The following FNDC3B variants were observed in gnomAD, a reference collection of about 807,000 sequenced individuals.
The protein encoded by FNDC3B is fibronectin type III domain-containing protein 3B.
A neutral mutation model predicts 151.5 loss-of-function variants in FNDC3B; 12 were observed. The ratio of observed to expected loss-of-function variants is 0.08; its 90% CI spans 0.05 to 0.13. FNDC3B has a LOEUF of 0.13. FNDC3B is among the 10% of genes least tolerant of loss of function. FNDC3B has a pLI of 1.00. For synonymous variants in FNDC3B, 528 were observed against 549.0 expected, an observed-to-expected ratio of 0.96 and a Z score of 0.54; for missense variants, 1,214 against 1,505.3, an observed-to-expected ratio of 0.81 and a Z score of 3.20.
At chr3:172,323,468 G>C (rs901894907) in intron 11 of FNDC3B, among the ~76,000 whole-genome samples, 2 of 152,178 alleles carry the variant, frequency 1.3e-5, no homozygotes, top group Admixed American at 6.5e-5. Context: ...GCTATGGTCT[G>C]TTTGTACCAC....
At chr3:172,382,001 G>A (rs1735466930) in intron 25 of FNDC3B, among the ~76,000 whole-genome samples, 1 of 152,142 alleles carries the variant, frequency 6.6e-6, no homozygotes, top group African/African-American at 2.4e-5. Flanking sequence ...TGGGATTGCT[G>A]GGTCAAATGG....
intron 19 of FNDC3B, among the ~76,000 whole-genome samples, chr3:172,345,432 T>C (rs1341780841): frequency 6.6e-6 from 1 of 152,178 alleles, no homozygotes; most frequent in Non-Finnish European, 1.5e-5. Flanking sequence ...TGATTTATCC[T>C]ATAAAGAAAC....
chr3:172,135,523 G>C (rs889140003), intron 3 of FNDC3B, among the ~76,000 whole-genome samples: 1 of 152,028 alleles, frequency 6.6e-6, no homozygotes, highest in Non-Finnish European at 1.5e-5. Flanking sequence ...CATTATCTTT[G>C]GCTCCCTCCA....
chr3:172,180,169 G>C (rs1415314802), intron 3 of FNDC3B, among the ~76,000 whole-genome samples: 1 of 149,388 alleles, frequency 6.7e-6, no homozygotes, highest in Non-Finnish European at 1.5e-5. Context: ...GGTGTGCACA[G>C]TGTTTTCCCT....
At chr3:172,251,236 G>A in intron 5 of FNDC3B, 24 bp from the exon 6 acceptor site, 1 of 1,568,328 alleles carries the variant, frequency 6.4e-7, no homozygotes. Context: ...CTGAGTTTGG[G>A]TTTATCATAA....
At chr3:172,267,882 A>G (rs1729006432) in intron 6 of FNDC3B, among the ~76,000 whole-genome samples, 1 of 152,204 alleles carries the variant, frequency 6.6e-6, no homozygotes, top group South Asian at 2.1e-4. Context: ...TAATAGATTG[A>G]TTAGAGGTGT....
intron 6 of FNDC3B, among the ~76,000 whole-genome samples, chr3:172,283,422 C>T (rs1158670503): frequency 1.3e-5 from 2 of 152,156 alleles, no homozygotes; most frequent in Non-Finnish European, 2.9e-5. Context: ...AGTGCATAGT[C>T]CTGAGGATGT....
chr3:172,265,465 T>TA (rs1263497288), intron 6 of FNDC3B, among the ~76,000 whole-genome samples: 1 of 152,176 alleles, frequency 6.6e-6, no homozygotes, highest in Admixed American at 6.6e-5. Context: ...AGGCAGGAGA[T>TA]ACTGGATTTT....
rs114505005 is a variant in FNDC3B, at chr3:172,326,578, G to A, written c.1255-2374G>A. Among the ~76,000 whole-genome samples, 572 of 152,240 alleles carry A rather than the reference G, an allele frequency of 3.8e-3. 2 individuals carry two copies. Among genetic ancestry groups the A allele is most frequent in the African/African-American group, 0.013 (550 of 41,538 alleles). On this transcript the variant is annotated intron_variant, in intron 11 of 25. Transcript: ENST00000415807. ...GTCGCCCAGGCTGGAGTGCACTGGC[G>A]CCATTTTTACTTCTTTCACAAGTAG...
intron 4 of FNDC3B, among the ~76,000 whole-genome samples, chr3:172,243,094 T>C (rs909055558): frequency 7.2e-5 from 11 of 152,206 alleles, no homozygotes; most frequent in African/African-American, 2.4e-4. Context: ...CTCATCTCTA[T>C]CTGAGACCAT....
intron 23 of FNDC3B, among the ~76,000 whole-genome samples, chr3:172,376,219 A>G (rs751467816): frequency 1.4e-4 from 22 of 152,356 alleles, no homozygotes; most frequent in Non-Finnish European, 3.1e-4. Context: ...TTTTAAATTG[A>G]TATGTATGTT....
chr3:172,048,224 T>C (rs966342706), intron 1 of FNDC3B, among the ~76,000 whole-genome samples: 5 of 152,222 alleles, frequency 3.3e-5, no homozygotes, highest in Non-Finnish European at 5.9e-5. Flanking sequence ...ACATATAGGA[T>C]ACTTAATGTA....
intron 2 of FNDC3B, among the ~76,000 whole-genome samples, chr3:172,126,722 G>C (rs985037256): frequency 9.2e-5 from 14 of 152,130 alleles, no homozygotes; most frequent in African/African-American, 3.4e-4. Context: ...GCTTTGAGAG[G>C]GCAGCTTGTG....
chr3:172,286,024 A>T, intron 7 of FNDC3B, 40 bp downstream of exon 7: 1 of 1,493,614 alleles, frequency 6.7e-7, no homozygotes, highest in Non-Finnish European at 9.2e-7. Flanking sequence ...GACACTTTTT[A>T]AAGTATTTCA....
chr3:172,254,861 G>T (rs1021039148), intron 6 of FNDC3B, among the ~76,000 whole-genome samples: 1 of 152,090 alleles, frequency 6.6e-6, no homozygotes, highest in South Asian at 2.1e-4. Flanking sequence ...TTAGAATTGG[G>T]CTTTGTTACT....
intron 3 of FNDC3B, among the ~76,000 whole-genome samples, chr3:172,224,535 C>T (rs1004544926): frequency 1.3e-5 from 2 of 152,140 alleles, no homozygotes; most frequent in Non-Finnish European, 1.5e-5. Context: ...CTTCCCTGCT[C>T]CTGTTTTTTT....
chr3:172,231,627 TAGTTTTCACTGTCCTGTCTTTAC>T (rs939650890), intron 4 of FNDC3B, among the ~76,000 whole-genome samples: 4 of 152,154 alleles, frequency 2.6e-5, no homozygotes, highest in African/African-American at 9.7e-5. Flanking sequence ...TTTTTATGTC[TAGTTTTCACTGTCCTGTCTTTAC>T]ATATGAGGAT....
chr3:172,097,063 T>C (rs958135606), intron 1 of FNDC3B, among the ~76,000 whole-genome samples: 2 of 152,216 alleles, frequency 1.3e-5, no homozygotes, highest in Non-Finnish European at 2.9e-5. Context: ...GCTAAGTAAG[T>C]ATGTAACAGA....
chr3:172,230,089 G>T lies in FNDC3B; in HGVS notation c.264+3142G>T, dbSNP rs577639550. Among the ~76,000 whole-genome samples the T allele has an allele frequency of 2.6e-4, 39 of 152,272 alleles. 2 individuals are homozygous for T. In the South Asian group the frequency reaches 8.1e-3, roughly 32 times the overall value. ...ACAAAATTTTATAACCTTGGATTAGGTAATGGATTTGTATATGTAACACCG... is the reference window on the plus strand; with the variant it reads ...ACAAAATTTTATAACCTTGGATTAGTTAATGGATTTGTATATGTAACACCG... On this transcript the variant is annotated intron_variant, in intron 4 of 25. Coordinates refer to ENST00000415807, the MANE Select transcript of FNDC3B (RefSeq NM_022763.4).
Sources: gnomAD v4.1 joint callset for allele counts (sites outside exome capture counted in the v4.1 genomes callset) on GRCh38, gnomAD v4.1.1 for gene constraint, MANE v1.5 for transcripts, NCBI Gene and HGNC (gene_info 2026-07-23, HGNC 2026-07-21) for gene names.